DKK3: variants seen among roughly 807,000 people sequenced by gnomAD.
DKK3 encodes the protein dickkopf-related protein 3.
In DKK3, 22 loss-of-function variants were observed where a neutral mutation model predicts 33.2. That is an observed-to-expected ratio of 0.66 (90% confidence interval 0.47 to 0.95). The LOEUF is 0.95. Ranked by LOEUF, DKK3 falls within the 40% of genes least tolerant of loss-of-function variation. The probability of loss-of-function intolerance (pLI) is 0.00; values close to 1 mark genes in which losing one functional copy is unlikely to be tolerated. For missense variants in DKK3, 398 were observed against 458.4 expected, an observed-to-expected ratio of 0.87 and a Z score of 1.20; for synonymous variants, 194 against 188.8, an observed-to-expected ratio of 1.03 and a Z score of -0.23.
intron 3 of DKK3, among the ~76,000 whole-genome samples, chr11:11,976,997 G>T (rs970135881): frequency 6.6e-6 from 1 of 152,128 alleles, no homozygotes; most frequent in Non-Finnish European, 1.5e-5. Context: ...AGCCTGACCC[G>T]CTGCAGAGAC....
chr11:12,009,477 A>G, upstream of DKK3: 1 of 900,780 alleles, frequency 1.1e-6, no homozygotes, highest in Non-Finnish European at 1.3e-6. Context: ...CCCACGCCCC[A>G]CGCCCTCCTC....
intron 3 of DKK3, chr11:11,979,979 G>T (rs1847921483): frequency 6.6e-6 from 1 of 152,302 alleles, no homozygotes; most frequent in Non-Finnish European, 1.5e-5. Flanking sequence ...ATGTGACAAG[G>T]AGAGAGGGAG....
chr11:11,967,154 G>A, intron 4 of DKK3, 56 bp from the exon 5 acceptor site: 1 of 1,589,020 alleles, frequency 6.3e-7, no homozygotes, highest in Non-Finnish European at 8.6e-7. Context: ...GGGGCCTGCT[G>A]AGAGCCCAGC....
chr11:11,992,565 C>T (rs967039430), intron 3 of DKK3, among the ~76,000 whole-genome samples: 2 of 152,220 alleles, frequency 1.3e-5, no homozygotes, highest in Non-Finnish European at 2.9e-5. Context: ...TCCCACCTCC[C>T]TAATCACCTC....
intron 3 of DKK3, among the ~76,000 whole-genome samples, chr11:11,993,410 C>A (rs917203347): frequency 6.6e-6 from 1 of 151,688 alleles, no homozygotes; most frequent in Non-Finnish European, 1.5e-5. Flanking sequence ...TTGAAGACAA[C>A]CTTTTATACC....
At chr11:11,970,551 C>T (rs1341479110) in intron 3 of DKK3, among the ~76,000 whole-genome samples, 1 of 152,170 alleles carries the variant, frequency 6.6e-6, no homozygotes, top group African/African-American at 2.4e-5. Flanking sequence ...TGTTATATTA[C>T]ATAGGAAGGG....
At chr11:11,991,374 C>T (rs1275176384) in intron 3 of DKK3, among the ~76,000 whole-genome samples, 1 of 152,140 alleles carries the variant, frequency 6.6e-6, no homozygotes, top group African/African-American at 2.4e-5. Context: ...GGGCAGATCC[C>T]TTATGAGTGG....
intron 3 of DKK3, among the ~76,000 whole-genome samples, chr11:11,996,631 C>T (rs761061033): frequency 6.6e-5 from 10 of 152,164 alleles, no homozygotes; most frequent in Non-Finnish European, 1.0e-4. Context: ...GTTAATCAAA[C>T]GGGAATTTAG....
At chr11:11,996,704 G>A (rs1848302081) in intron 3 of DKK3, among the ~76,000 whole-genome samples, 1 of 152,194 alleles carries the variant, frequency 6.6e-6, no homozygotes, top group African/African-American at 2.4e-5. Flanking sequence ...AGACAACCTT[G>A]GCAAGCCTCC....
Position 12,008,436 on chromosome 11 carries a change from C to T in DKK3, c.147G>A (p.Glu49=), listed in dbSNP as rs11544816. 9 of 1,611,444 alleles carry T rather than the reference C, an allele frequency of 5.6e-6. No homozygotes were observed. Among genetic ancestry groups the T allele is most frequent in the South Asian group, 1.1e-5 (1 of 90,952 alleles). ...TCAGTTCCTCAACCTCGCGGAACAT[C>T]TCATTGAGGGTGGCCTCCTCCTGCG... ...SYPQEEATLN[E]MFREVEELME... Residue 49 remains glutamate, a synonymous_variant, in exon 1 of 7, where the codon GAG becomes GAA. Coordinates refer to ENST00000683431, the MANE Select transcript of DKK3 (RefSeq NM_001018057.2). The surrounding 1 kb of genome is among the most constrained non-coding windows in gnomAD (Gnocchi z 4.6).
chr11:11,984,122 T>C (rs1848014551), intron 3 of DKK3, among the ~76,000 whole-genome samples: 1 of 152,174 alleles, frequency 6.6e-6, no homozygotes, highest in African/African-American at 2.4e-5. Flanking sequence ...GGTCTTAACT[T>C]TTTTTGTACT....
At chr11:11,968,913 G>A (rs1431691665) in intron 3 of DKK3, among the ~76,000 whole-genome samples, 2 of 152,240 alleles carry the variant, frequency 1.3e-5, no homozygotes, top group Non-Finnish European at 2.9e-5. Flanking sequence ...GTGAAGACTG[G>A]GAGGCAGCAG....
At chr11:11,976,721 T>C (rs990339140) in intron 3 of DKK3, among the ~76,000 whole-genome samples, 2 of 152,208 alleles carry the variant, frequency 1.3e-5, no homozygotes, top group African/African-American at 4.8e-5. Flanking sequence ...AGGCTGGCCC[T>C]GGCACAAGGT....
At position 12,008,284 on chromosome 11, in the gene DKK3, T is replaced by C. The variant is rs914371026; in HGVS notation, c.213+86A>G. On this transcript the variant is annotated intron_variant, in intron 1 of 6. Coordinates refer to ENST00000683431, the MANE Select transcript of DKK3 (RefSeq NM_001018057.2). This position sits in a 1 kb window ranked among gnomAD's most constrained non-coding sequence, Gnocchi z 4.6. Reference sequence around the variant, plus strand: ...GGCCCTGCGCGGGACCCGAGGTCCCTGGCCAGCGCTCTTCCATGCCTTCCC... The same window carrying C: ...GGCCCTGCGCGGGACCCGAGGTCCCCGGCCAGCGCTCTTCCATGCCTTCCC... The C allele has an allele frequency of 6.8e-7, 1 of 1,473,392 alleles. No individual in the cohort carries two copies. Among genetic ancestry groups the C allele is most frequent in the Non-Finnish European group, 9.0e-7 (1 of 1,111,206 alleles). 91.3% of individuals were successfully genotyped at this position (1,473,392 alleles called of 1,614,324 possible).
At chr11:12,009,615 G>C, upstream of DKK3, 1 of 985,878 alleles carries the variant, frequency 1.0e-6, no homozygotes, top group Non-Finnish European at 1.2e-6. Flanking sequence ...GTTGGGGGTA[G>C]GGGGAATGTT....
At chr11:11,976,369 C>T (rs924857355) in intron 3 of DKK3, among the ~76,000 whole-genome samples, 1 of 152,250 alleles carries the variant, frequency 6.6e-6, no homozygotes, top group African/African-American at 2.4e-5. Flanking sequence ...ACAATTCGAT[C>T]ACCCCTGGGG....
At chr11:12,006,543 G>C (rs1263570010) in intron 1 of DKK3, among the ~76,000 whole-genome samples, 1 of 152,162 alleles carries the variant, frequency 6.6e-6, no homozygotes, top group Non-Finnish European at 1.5e-5. Context: ...CTGGGAAAGA[G>C]TGGGGTAGAA....
chr11:11,994,406 C>G (rs1300306052), intron 3 of DKK3, among the ~76,000 whole-genome samples: 1 of 152,068 alleles, frequency 6.6e-6, no homozygotes, highest in African/African-American at 2.4e-5. Flanking sequence ...TGCATCTCAC[C>G]TTCTTCAAAC....
Position 12,002,357 on chromosome 11 carries a change from G to A in DKK3, c.294C>T (p.Thr98=). 1 of 1,613,886 alleles carries A rather than the reference G, an allele frequency of 6.2e-7. No homozygotes were observed. ...TATTTCCAACCTTCGTGTCTGTGTTGGTCTCATTGTGATAGCTGGGAGGTA... is the reference window on the plus strand; with the variant it reads ...TATTTCCAACCTTCGTGTCTGTGTTAGTCTCATTGTGATAGCTGGGAGGTA... The part of the protein sequence containing the change: ...ANLPPSYHNE[T]NTDTKVGNNT... The change falls in exon 2 of 7, where the codon ACC becomes ACT. Residue 98 remains threonine, a synonymous_variant. Transcript: ENST00000683431.
Sources: allele counts gnomAD v4.1 joint callset (sites outside exome capture counted in the v4.1 genomes callset), GRCh38; gene constraint gnomAD v4.1.1; non-coding constraint Gnocchi (gnomAD v3.1); transcripts MANE v1.5; gene names NCBI Gene and HGNC (gene_info 2026-07-23, HGNC 2026-07-21).